Variants in TRPC5OS observed in about 807,000 individuals in gnomAD.
TRPC5OS encodes the protein TRPC5 opposite strand, also known as putative uncharacterized protein TRPC5OS.
For synonymous variants in TRPC5OS, 30 were observed against 29.3 expected (o/e 1.02, Z -0.08); for missense variants, 64 against 79.3 (o/e 0.81, Z 0.73).
chrX:111,903,096 C>T lies in TRPC5OS; in HGVS notation c.*911C>T, dbSNP rs775158864. Reference sequence around the variant, plus strand: ...TGGAGCTGGCTGGACCCTTGTTTTCCTGGGTCACCTGAACAGATTGTACTG... The same window carrying T: ...TGGAGCTGGCTGGACCCTTGTTTTCTTGGGTCACCTGAACAGATTGTACTG... On this transcript the variant is annotated 3_prime_UTR_variant, in exon 4 of 4. Coordinates refer to ENST00000635763, the MANE Select transcript of TRPC5OS (RefSeq NM_001195578.2). 16 of 111,489 alleles carry T rather than the reference C, an allele frequency of 1.4e-4. No homozygotes were observed. The highest frequency in any genetic ancestry group is 2.9e-4 in the Admixed American group (3 of 10,478). 9.2% of individuals were successfully genotyped at this position (111,489 alleles called of 1,213,427 possible).
At chrX:111,889,522 G>A (rs1924702374) in intron 1 of TRPC5OS, among the ~76,000 whole-genome samples, 1 of 111,840 alleles carries the variant, frequency 8.9e-6, no homozygotes, top group African/African-American at 3.3e-5. Flanking sequence ...GTATTGGGAG[G>A]GCTCATGCCA....
intron 1 of TRPC5OS, among the ~76,000 whole-genome samples, chrX:111,883,940 C>A (rs1487146627): frequency 1.8e-5 from 2 of 112,783 alleles, no homozygotes; most frequent in Non-Finnish European, 3.7e-5. Context: ...ATAGGCAGGG[C>A]TTCAGCCTAG....
intron 3 of TRPC5OS, among the ~76,000 whole-genome samples, chrX:111,900,126 G>A (rs774635808): frequency 8.9e-6 from 1 of 111,962 alleles, no homozygotes; most frequent in African/African-American, 3.2e-5. Context: ...AGACCATCTG[G>A]CTGATGATTT....
At chrX:111,897,201 T>C (rs930258160) in intron 3 of TRPC5OS, among the ~76,000 whole-genome samples, 4 of 111,659 alleles carry the variant, frequency 3.6e-5, no homozygotes, top group African/African-American at 9.7e-5. Flanking sequence ...AAAACACTTC[T>C]GGTACCAAGC....
intron 1 of TRPC5OS, among the ~76,000 whole-genome samples, chrX:111,893,646 C>G (rs1924917861): frequency 1.8e-5 from 2 of 111,485 alleles, no homozygotes; most frequent in South Asian, 7.6e-4. Context: ...TCCTACTCCC[C>G]CTTTTTTTAG....
chrX:111,892,295 T>C (rs1016833831), intron 1 of TRPC5OS, among the ~76,000 whole-genome samples: 9 of 112,384 alleles, frequency 8.0e-5, no homozygotes, highest in African/African-American at 2.9e-4. Context: ...ACTTGAAACT[T>C]TGGGTTGGTT....
intron 1 of TRPC5OS, among the ~76,000 whole-genome samples, chrX:111,894,661 G>T (rs1196252702): frequency 1.8e-5 from 2 of 111,618 alleles, no homozygotes; most frequent in Non-Finnish European, 3.8e-5. Context: ...ATCCTGGTAA[G>T]ACTCTTATCA....
chrX:111,896,901 G>A (rs1487663350), intron 3 of TRPC5OS, among the ~76,000 whole-genome samples: 1 of 111,735 alleles, frequency 8.9e-6, no homozygotes, highest in African/African-American at 3.3e-5. Context: ...ATTTTATTGT[G>A]AGGATTAAAT....
At position 111,888,231 on chromosome X, in the gene TRPC5OS, G is replaced by A. The variant is rs182556374; in HGVS notation, c.-545-7720G>A. On this transcript the variant is annotated intron_variant, in intron 1 of 3. Coordinates refer to ENST00000635763, the MANE Select transcript of TRPC5OS (RefSeq NM_001195578.2). ...AGCAGGAGAGAGAAAAATAGAAAAC[G>A]AAGTTGCAGATTATATTATGCAGGG... Among the ~76,000 whole-genome samples the A allele has an allele frequency of 1.7e-3, 191 of 111,215 alleles. 1 individual carries two copies. Among genetic ancestry groups the A allele is most frequent in the African/African-American group, 6.0e-3 (183 of 30,579 alleles).
intron 1 of TRPC5OS, among the ~76,000 whole-genome samples, chrX:111,884,151 C>T (rs1924360601): frequency 8.9e-6 from 1 of 112,418 alleles, no homozygotes; most frequent in South Asian, 3.7e-4. Context: ...TAAGGCCTGG[C>T]TAGAGTTTTA....
At chrX:111,895,228 G>A (rs774410731) in intron 1 of TRPC5OS, among the ~76,000 whole-genome samples, 2 of 111,511 alleles carry the variant, frequency 1.8e-5, no homozygotes, top group African/African-American at 6.5e-5. Flanking sequence ...AGCTCTTCTG[G>A]TGGGTTTTGC....
chrX:111,894,096 G>A (rs1382510127), intron 1 of TRPC5OS, among the ~76,000 whole-genome samples: 3 of 111,544 alleles, frequency 2.7e-5, no homozygotes, highest in Non-Finnish European at 5.6e-5. Flanking sequence ...AAATTTTCCT[G>A]TTTGTAAATA....
intron 1 of TRPC5OS, among the ~76,000 whole-genome samples, chrX:111,889,579 A>G (rs185050285): frequency 3.8e-4 from 43 of 112,407 alleles, no homozygotes; most frequent in Non-Finnish European, 7.3e-4. Flanking sequence ...TGTCAAGCAT[A>G]TAAAGCAATG....
rs772577191 is a variant in TRPC5OS at position 111,881,316 on chromosome X, A to G, written c.-546+5043A>G. Among the ~76,000 whole-genome samples the G allele has an allele frequency of 1.1e-4, 12 of 110,423 alleles. No homozygotes were observed. In the East Asian group the frequency reaches 3.4e-3, roughly 31 times the overall value. On this transcript the variant is annotated intron_variant, in intron 1 of 3. Transcript: ENST00000635763. ...CTCAGCTTCCCGAGTAGCTGGGACT[A>G]CAGGCACGCGCCACCACACCCAGCT... is the stretch of plus-strand genomic sequence containing the variant.
At chrX:111,882,070 C>A in intron 1 of TRPC5OS, 1 of 112,120 alleles carries the variant, frequency 8.9e-6, no homozygotes, top group Non-Finnish European at 1.9e-5. Context: ...TGGGCAAAAG[C>A]CGTAAAGTCA....
At chrX:111,899,187 G>A (rs1434377621) in intron 3 of TRPC5OS, among the ~76,000 whole-genome samples, 2 of 110,727 alleles carry the variant, frequency 1.8e-5, no homozygotes, top group East Asian at 5.7e-4. Context: ...GTTAAGGCAA[G>A]GTCACTAATT....
intron 3 of TRPC5OS, among the ~76,000 whole-genome samples, chrX:111,899,433 A>G (rs1877106889): frequency 9.0e-6 from 1 of 111,692 alleles, no homozygotes; most frequent in African/African-American, 3.3e-5. Context: ...AGACAAGAAA[A>G]GATGATGGAA....
At chrX:111,876,899 C>A (rs1923974627) in intron 1 of TRPC5OS, among the ~76,000 whole-genome samples, 1 of 111,519 alleles carries the variant, frequency 9.0e-6, no homozygotes, top group Non-Finnish European at 1.9e-5. Flanking sequence ...TTTAGTCATT[C>A]ATAACAACAT....
chrX:111,878,446 C>A, intron 1 of TRPC5OS, among the ~76,000 whole-genome samples: 1 of 111,722 alleles, frequency 9.0e-6, no homozygotes, highest in South Asian at 3.7e-4. Context: ...AACCACAGTG[C>A]CCACAAGAAA....
Sources: allele counts gnomAD v4.1 joint callset (sites outside exome capture counted in the v4.1 genomes callset), GRCh38; gene constraint gnomAD v4.1.1; transcripts MANE v1.5; gene names NCBI Gene and HGNC (gene_info 2026-07-23, HGNC 2026-07-21).